SLCO5A1: variants seen among roughly 807,000 people sequenced by gnomAD.
SLCO5A1 encodes solute carrier organic anion transporter family member 5A1.
A neutral mutation model predicts 65.1 loss-of-function variants in SLCO5A1; 39 were observed. The ratio of observed to expected loss-of-function variants is 0.60; its 90% CI spans 0.46 to 0.78. The LOEUF is 0.78. Among genes scored for constraint, SLCO5A1 ranks in the 30% least tolerant of loss-of-function variants. The pLI is 0.00. For missense variants in SLCO5A1, 1,029 were observed against 1,069.4 expected (o/e 0.96, Z 0.53); for synonymous variants, 438 against 415.7 (o/e 1.05, Z -0.65).
At chr8:69,831,438 A>G (rs1464654898) in intron 2 of SLCO5A1, among the ~76,000 whole-genome samples, 1 of 152,160 alleles carries the variant, frequency 6.6e-6, no homozygotes, top group African/African-American at 2.4e-5. Context: ...TTCCTCAACA[A>G]GTGTATTAGA....
At chr8:69,739,457 T>C (rs548413460) in intron 4 of SLCO5A1, among the ~76,000 whole-genome samples, 1 of 152,320 alleles carries the variant, frequency 6.6e-6, no homozygotes, top group African/African-American at 2.4e-5. Context: ...ATGTAATCTT[T>C]ATGTATCTTC....
rs187380665 is a variant in SLCO5A1 at position 69,740,042 on chromosome 8, T to C, written c.1259-1838A>G. On this transcript the variant is annotated intron_variant, in intron 4 of 9. Transcript: ENST00000260126. ...TTATATTGAACGGGTTTTTCTTCTA[T>C]AGCCATTTGGCATGATAAAATAGCC... Among the ~76,000 whole-genome samples, 147 of 152,360 alleles carry C rather than the reference T, an allele frequency of 9.6e-4. 3 individuals carry two copies. The highest frequency in any genetic ancestry group is 3.0e-3 in the African/African-American group (125 of 41,590).
intron 2 of SLCO5A1, among the ~76,000 whole-genome samples, chr8:69,819,487 C>T (rs920741851): frequency 2.0e-5 from 3 of 152,174 alleles, no homozygotes; most frequent in South Asian, 2.1e-4. Flanking sequence ...TCACTTCTAT[C>T]GGTTTTTAAA....
At chr8:69,788,299 CAA>C (rs1819123600) in intron 2 of SLCO5A1, among the ~76,000 whole-genome samples, 1 of 152,048 alleles carries the variant, frequency 6.6e-6, no homozygotes, top group Non-Finnish European at 1.5e-5. Context: ...TTAAAAAAAA[CAA>C]AAGACTGTAC....
chr8:69,700,842 T>C (rs1282424939), intron 6 of SLCO5A1, among the ~76,000 whole-genome samples: 2 of 151,244 alleles, frequency 1.3e-5, no homozygotes, highest in Admixed American at 1.3e-4. Flanking sequence ...ATAATATTTA[T>C]CAATATATAT....
intron 6 of SLCO5A1, among the ~76,000 whole-genome samples, chr8:69,690,873 G>A (rs1289867457): frequency 1.3e-5 from 2 of 152,100 alleles, no homozygotes; most frequent in Non-Finnish European, 2.9e-5. Context: ...TAATATAATA[G>A]ATTTTGCTTT....
At chr8:69,738,478 C>A (rs1816661355) in intron 4 of SLCO5A1, among the ~76,000 whole-genome samples, 1 of 151,832 alleles carries the variant, frequency 6.6e-6, no homozygotes, top group South Asian at 2.1e-4. Context: ...CAGTACCCAA[C>A]TGATAGTTCC....
At chr8:69,763,334 G>T (rs947004289) in intron 2 of SLCO5A1, among the ~76,000 whole-genome samples, 2 of 151,192 alleles carry the variant, frequency 1.3e-5, no homozygotes, top group East Asian at 1.9e-4. Flanking sequence ...AGAAAAACAG[G>T]CCAGGCGCAG....
intron 2 of SLCO5A1, among the ~76,000 whole-genome samples, chr8:69,778,839 A>G (rs1818686353): frequency 6.6e-6 from 1 of 152,200 alleles, no homozygotes; most frequent in South Asian, 2.1e-4. Context: ...TAATCTCTGA[A>G]GAATGTATGT....
intron 9 of SLCO5A1, among the ~76,000 whole-genome samples, chr8:69,674,693 C>A (rs908566840): frequency 6.6e-6 from 1 of 152,022 alleles, no homozygotes; most frequent in Non-Finnish European, 1.5e-5. Context: ...CCCAACTCCA[C>A]GGCATCAGAG....
At chr8:69,711,096 T>C (rs1267646386) in intron 5 of SLCO5A1, among the ~76,000 whole-genome samples, 1 of 151,938 alleles carries the variant, frequency 6.6e-6, no homozygotes, top group Non-Finnish European at 1.5e-5. Context: ...CGAGTCAGTT[T>C]CTCCACCCAC....
chr8:69,723,788 T>TC (rs925836094), intron 5 of SLCO5A1, among the ~76,000 whole-genome samples: 2 of 151,538 alleles, frequency 1.3e-5, no homozygotes, highest in African/African-American at 4.8e-5. Flanking sequence ...TTTTTTTTTT[T>TC]TGGAGACTGA....
intron 2 of SLCO5A1, among the ~76,000 whole-genome samples, chr8:69,782,891 G>A (rs1487314232): frequency 6.6e-6 from 1 of 152,152 alleles, no homozygotes; most frequent in African/African-American, 2.4e-5. Flanking sequence ...ATATTCAAGA[G>A]GTTCGTAAGA....
intron 2 of SLCO5A1, among the ~76,000 whole-genome samples, chr8:69,776,569 A>T (rs1056904906): frequency 1.3e-5 from 2 of 152,174 alleles, no homozygotes; most frequent in African/African-American, 4.8e-5. Context: ...ATGCATCTGT[A>T]GTCCCGGCTA....
At chr8:69,819,442 C>A (rs1267993330) in intron 2 of SLCO5A1, among the ~76,000 whole-genome samples, 2 of 152,030 alleles carry the variant, frequency 1.3e-5, no homozygotes, top group Non-Finnish European at 2.9e-5. Context: ...TTAGAAAGTC[C>A]ACTTGCACAA....
In SLCO5A1 at chr8:69,831,945, G is replaced by C. The variant is rs368319365; in HGVS notation, c.729C>G (p.Thr243=). ...NDGLCQGGNS[T]ATLEPPACPK... ...GACAGGCCGGAGGCTCCAAAGTGGC[G>C]GTGGAGTTGCCACCCTGACACAGGC... The change falls in exon 2 of 10, where the codon ACC becomes ACG. Residue 243 remains threonine (T), a synonymous_variant. Coordinates refer to ENST00000260126, the MANE Select transcript of SLCO5A1 (RefSeq NM_030958.3). 11 of 1,595,292 alleles carry C rather than the reference G, an allele frequency of 6.9e-6. No homozygotes were observed. Among genetic ancestry groups the C allele is most frequent in the Non-Finnish European group, 9.4e-6 (11 of 1,172,034 alleles).
At chr8:69,706,276 A>G (rs2933053) in intron 5 of SLCO5A1, among the ~76,000 whole-genome samples, 86,451 of 152,020 alleles carry the variant, frequency 0.57, 24,863 homozygotes, top group South Asian at 0.66. Flanking sequence ...TAGTACAACT[A>G]TGAAGAAAAC....
At chr8:69,710,020 T>TTTTTC (rs1491503240) in intron 5 of SLCO5A1, among the ~76,000 whole-genome samples, 2 of 16,970 alleles carry the variant, frequency 1.2e-4, no homozygotes, top group Non-Finnish European at 2.2e-4. Flanking sequence ...CGGCAACAGC[T>TTTTTC]TTTTTTTTTT....
chr8:69,682,327 G>T lies in SLCO5A1; in HGVS notation c.1639C>A (p.Pro547Thr). Residue 547 changes from proline to threonine, a missense_variant, in exon 7 of 10, where the codon CCC becomes ACC. Pro to Thr is a conservative substitution (Grantham distance 38). This residue lies in a region of SLCO5A1 where 124 missense variants were observed against 184.5 expected (regional missense o/e 0.67). Transcript: ENST00000260126. ...CAGCTTCCTGTCAGATTCCTATGGG[G>T]CATGGTGAGAGAAGGTCTAAGAGAG... ...PYTTGPSLTM[P>T]HRNLTGSCNV... is the part of the protein sequence containing the mutation. The T allele has an allele frequency of 6.2e-7, 1 of 1,605,914 alleles. No individual in the cohort carries two copies. Among genetic ancestry groups the T allele is most frequent in the East Asian group, 2.3e-5 (1 of 44,270 alleles).
Sources: gnomAD v4.1 joint callset for allele counts (sites outside exome capture counted in the v4.1 genomes callset) on GRCh38, gnomAD v4.1.1 for gene constraint, gnomAD v4.1.1 regional missense constraint, MANE v1.5 for transcripts, NCBI Gene and HGNC (gene_info 2026-07-23, HGNC 2026-07-21) for gene names.